ARK2C: variants seen among roughly 807,000 people sequenced by gnomAD.
The protein encoded by ARK2C is arkadia (RNF111) C-terminal like ring finger ubiquitin ligase 2C.
the ARK2C span, among the ~76,000 whole-genome samples, chr18:46,375,706 T>C: frequency 2.0e-5 from 3 of 152,144 alleles, no homozygotes; most frequent in African/African-American, 7.2e-5. Context: ...CCCAGCAATT[T>C]TATGTTAAGG....
the ARK2C span, among the ~76,000 whole-genome samples, chr18:46,451,329 G>A: frequency 6.6e-6 from 1 of 152,090 alleles, no homozygotes; most frequent in African/African-American, 2.4e-5. Flanking sequence ...AATCTCCAGG[G>A]CTAAGAACTA....
the ARK2C span, among the ~76,000 whole-genome samples, chr18:46,369,720 T>C: frequency 2.0e-5 from 3 of 152,148 alleles, no homozygotes. Flanking sequence ...AGGTAACTCA[T>C]AAACCGGGGG....
At chr18:46,335,962 C>T in the ARK2C span, 1 of 985,434 alleles carries the variant, frequency 1.0e-6, no homozygotes. Context: ...TTGTGACACC[C>T]TCTTAACCAT....
the ARK2C span, among the ~76,000 whole-genome samples, chr18:46,411,025 A>G: frequency 6.6e-6 from 1 of 152,240 alleles, no homozygotes; most frequent in Non-Finnish European, 1.5e-5. Flanking sequence ...TGAGCCTCCC[A>G]AAGTGAAAAG....
At chr18:46,375,623 G>A in the ARK2C span, among the ~76,000 whole-genome samples, 1 of 151,602 alleles carries the variant, frequency 6.6e-6, no homozygotes, top group Non-Finnish European at 1.5e-5. Context: ...CATTTCCTTA[G>A]CTCCTTGAAT....
the ARK2C span, chr18:46,450,935 G>T: frequency 1.5e-6 from 1 of 659,922 alleles, no homozygotes; most frequent in South Asian, 1.8e-5. Context: ...ATGCTCTAAA[G>T]CTGTAATAAC....
the ARK2C span, among the ~76,000 whole-genome samples, chr18:46,356,169 G>A: frequency 6.6e-6 from 1 of 152,166 alleles, no homozygotes; most frequent in Non-Finnish European, 1.5e-5. Flanking sequence ...AAAACAAATT[G>A]CCTTATTGTC....
chr18:46,358,083 C>G, the ARK2C span, among the ~76,000 whole-genome samples: 5 of 152,182 alleles, frequency 3.3e-5, no homozygotes, highest in Non-Finnish European at 5.9e-5. Flanking sequence ...TTCAAAGACC[C>G]TGTTTCCAAA....
the ARK2C span, among the ~76,000 whole-genome samples, chr18:46,376,195 G>A: frequency 6.6e-6 from 1 of 152,328 alleles, no homozygotes; most frequent in African/African-American, 2.4e-5. Context: ...ACGGTCACCT[G>A]CCCTTCCTGT....
At chr18:46,425,119 C>T in the ARK2C span, among the ~76,000 whole-genome samples, 23 of 152,330 alleles carry the variant, frequency 1.5e-4, no homozygotes, top group East Asian at 4.4e-3. Context: ...CTGTTCTGCC[C>T]CAACACTGGG....
chr18:46,397,350 A>C, the ARK2C span, among the ~76,000 whole-genome samples: 3 of 152,000 alleles, frequency 2.0e-5, no homozygotes, highest in African/African-American at 7.3e-5. Flanking sequence ...TATATCAGTC[A>C]CTAGGAACAG....
At chr18:46,456,303 T>C in the ARK2C span, among the ~76,000 whole-genome samples, 1 of 152,110 alleles carries the variant, frequency 6.6e-6, no homozygotes, top group African/African-American at 2.4e-5. Flanking sequence ...AGGAGAACAG[T>C]GTGGTGTTCG....
the ARK2C span, among the ~76,000 whole-genome samples, chr18:46,437,766 C>T: frequency 1.1e-4 from 16 of 152,336 alleles, no homozygotes; most frequent in Non-Finnish European, 2.2e-4. Context: ...TTTTCACTCT[C>T]CTTCTTGGAC....
chr18:46,356,369 A>G, the ARK2C span, among the ~76,000 whole-genome samples: 3 of 152,078 alleles, frequency 2.0e-5, no homozygotes, highest in Non-Finnish European at 2.9e-5. Flanking sequence ...GCCATGGTGC[A>G]AAATAGCGCA....
At chr18:46,369,435 G>A in the ARK2C span, among the ~76,000 whole-genome samples, 2 of 152,116 alleles carry the variant, frequency 1.3e-5, no homozygotes, top group African/African-American at 2.4e-5. Context: ...GATTGACTCG[G>A]GAAGAAGAGG....
the ARK2C span, among the ~76,000 whole-genome samples, chr18:46,372,634 A>G: frequency 6.6e-6 from 1 of 152,144 alleles, no homozygotes; most frequent in Non-Finnish European, 1.5e-5. Context: ...GGCTGGCCTA[A>G]GGGGTTGGGG....
At chr18:46,452,812 G>C in the ARK2C span, among the ~76,000 whole-genome samples, 1 of 152,074 alleles carries the variant, frequency 6.6e-6, no homozygotes, top group Admixed American at 6.5e-5. Flanking sequence ...AGCACTCTTA[G>C]AGTTAGAGCC....
the ARK2C span, among the ~76,000 whole-genome samples, chr18:46,370,750 A>G: frequency 3.3e-5 from 5 of 152,130 alleles, no homozygotes; most frequent in African/African-American, 1.2e-4. Context: ...GACCCAATGG[A>G]CAGTTGGGTT....
the ARK2C span, among the ~76,000 whole-genome samples, chr18:46,442,942 A>G: frequency 6.6e-6 from 1 of 152,162 alleles, no homozygotes; most frequent in Non-Finnish European, 1.5e-5. Flanking sequence ...ACCTTGTCTG[A>G]TGTTAACATA....
Sources: gnomAD v4.1 joint callset for allele counts (sites outside exome capture counted in the v4.1 genomes callset) on GRCh38, gnomAD v4.1.1 for gene constraint, MANE v1.5 for transcripts, NCBI Gene and HGNC (gene_info 2026-07-23, HGNC 2026-07-21) for gene names.